Variants in DGKD observed in about 807,000 individuals in gnomAD.
DGKD encodes the protein diacylglycerol kinase delta.
In DGKD, 68 loss-of-function variants were observed where a neutral mutation model predicts 154.4. The observed-to-expected ratio is 0.44, with a 90% CI of 0.36 to 0.54. The LOEUF is 0.54. DGKD is among the 20% of genes least tolerant of loss of function. The probability of loss-of-function intolerance (pLI) is 0.00; values close to 1 mark genes in which losing one functional copy is unlikely to be tolerated. For missense variants in DGKD, 1,343 were observed against 1,593.6 expected, an observed-to-expected ratio of 0.84 and a Z score of 2.68; for synonymous variants, 693 against 638.0, an observed-to-expected ratio of 1.09 and a Z score of -1.30.
In DGKD at chr2:233,459,717, T is replaced by C. The variant is rs1366099922; in HGVS notation, c.2695-40T>C. 1 of 1,597,734 alleles carries C rather than the reference T, an allele frequency of 6.3e-7. No homozygotes were observed. Among genetic ancestry groups the C allele is most frequent in the African/African-American group, 1.3e-5 (1 of 74,362 alleles). ...GATAGCACTTTTAAACCCCTGGGGG[T>C]TTTGGCTCAGCATGAGTAATGGCTA... On this transcript the variant is annotated intron_variant, in intron 22 of 29. Coordinates refer to ENST00000264057, the MANE Select transcript of DGKD (RefSeq NM_152879.3). The surrounding 1 kb of genome is among the most constrained non-coding windows in gnomAD (Gnocchi z 5.7).
intron 2 of DGKD, 55 bp from the exon 3 acceptor site, chr2:233,390,348 C>A: frequency 6.9e-7 from 1 of 1,442,964 alleles, no homozygotes; most frequent in Non-Finnish European, 9.7e-7. Context: ...CTGGCTAGTG[C>A]TTAGGGATGT....
At chr2:233,463,781 G>A (rs907951274) in intron 26 of DGKD, 4 of 262,792 alleles carry the variant, frequency 1.5e-5, no homozygotes, top group East Asian at 8.6e-5. Flanking sequence ...GTGGTCACAC[G>A]CGTGTCCTCA....
At chr2:233,465,599 T>A (rs56197570) in intron 27 of DGKD, among the ~76,000 whole-genome samples, 5,976 of 151,820 alleles carry the variant, frequency 0.039, 279 homozygotes, top group African/African-American at 0.11. Flanking sequence ...TAAAAAAAAA[T>A]TTTTTTTTAA....
chr2:233,436,701 C>T (rs1225414773), intron 7 of DGKD, among the ~76,000 whole-genome samples: 1 of 152,252 alleles, frequency 6.6e-6, no homozygotes, highest in Admixed American at 6.5e-5. Flanking sequence ...CTGCATCATG[C>T]GGCACTGTAG....
At chr2:233,427,337 C>CTTTTT (rs35153949) in intron 3 of DGKD, among the ~76,000 whole-genome samples, 2 of 83,764 alleles carry the variant, frequency 2.4e-5, no homozygotes, top group Non-Finnish European at 4.4e-5. Context: ...TATTGCCCTG[C>CTTTTT]TTTTTTTTTT....
In DGKD at chr2:233,381,225, C is replaced by T. The variant is rs942813185; in HGVS notation, c.157-7032C>T. 3.8e-4 allele frequency among the ~76,000 whole-genome samples: 58 copies of T among 152,298 alleles called. 1 individual carries two copies. Among genetic ancestry groups the T allele is most frequent in the Admixed American group, 2.7e-3 (42 of 15,298 alleles). ...GCACACACTCCGTTGCCACCTTGGG[C>T]GTGCACACTCCCTCAGCTTCTGCCA... On this transcript the variant is annotated intron_variant, in intron 1 of 29. Transcript: ENST00000264057.
intron 24 of DGKD, among the ~76,000 whole-genome samples, chr2:233,461,529 CCT>C (rs1491179616): frequency 3.6e-4 from 55 of 152,326 alleles, no homozygotes; most frequent in African/African-American, 1.3e-3. Context: ...CACTGCGGCC[CCT>C]GTCCTCGTCT....
In DGKD at chr2:233,390,440, G is replaced by GC. The variant is rs1453639062; in HGVS notation, c.306dup (p.Val103ArgfsTer3). The GC allele has an allele frequency of 6.2e-7, 1 of 1,614,010 alleles. No individual in the cohort carries two copies. The highest frequency in any genetic ancestry group is 8.5e-7 in the Non-Finnish European group (1 of 1,180,008). ...GATGAGGTGGATCTGACAGATGCCA[G>GC]CGTAGCTGAATCCAGTACCAAAAAC... On this transcript the variant is annotated frameshift_variant, in exon 3 of 30. Transcript: ENST00000264057. LOFTEE classifies it high-confidence loss of function.
chr2:233,363,001 A>T (rs1469579949), intron 1 of DGKD, among the ~76,000 whole-genome samples: 1 of 152,268 alleles, frequency 6.6e-6, no homozygotes, highest in Non-Finnish European at 1.5e-5. Context: ...TATACAGTAC[A>T]TAATAGTTGA....
At chr2:233,447,774 G>A (rs113960936) in intron 12 of DGKD, 31 of 1,117,842 alleles carry the variant, frequency 2.8e-5, no homozygotes, top group Middle Eastern at 4.0e-4. Flanking sequence ...CCAGCATGCC[G>A]CTGTCAGGAT....
intron 4 of DGKD, 94 bp from the exon 5 acceptor site, chr2:233,434,675 C>G: frequency 5.8e-6 from 9 of 1,553,634 alleles, no homozygotes; most frequent in Non-Finnish European, 7.9e-6. Context: ...CTCCTCTCCT[C>G]TCTTGGATAC....
intron 27 of DGKD, among the ~76,000 whole-genome samples, chr2:233,465,303 GATTAA>G (rs2063791067): frequency 1.3e-5 from 2 of 152,204 alleles, no homozygotes; most frequent in Non-Finnish European, 2.9e-5. Context: ...TATAATACCA[GATTAA>G]ATTAAGGCCA....
At position 233,458,117 on chromosome 2, in the gene DGKD, G is replaced by T; in HGVS notation, c.2581-167G>T. On this transcript the variant is annotated intron_variant, in intron 21 of 29. Transcript: ENST00000264057. This position sits in a 1 kb window ranked among gnomAD's most constrained non-coding sequence, Gnocchi z 6.6. ...GATGAGAGCTGGGATTTGGTCCCAG[G>T]CAGCTGGTTTCAGGGCCTGCAACAT... The T allele has an allele frequency of 1.9e-6, 1 of 532,364 alleles. No individual in the cohort carries two copies. The allele number at this position is 532,364 out of a possible 1,614,324, so 33.0% of individuals were successfully genotyped here.
At chr2:233,464,110 C>T in intron 26 of DGKD, 54 bp from the exon 27 acceptor site, 1 of 1,610,630 alleles carries the variant, frequency 6.2e-7, no homozygotes, top group Middle Eastern at 1.7e-4. Context: ...GGGCCTCGCG[C>T]TGATCAGCAG....
Position 233,431,207 on chromosome 2 carries a change from C to A in DGKD, c.349-3173C>A, listed in dbSNP as rs186931741. 1.7e-3 allele frequency among the ~76,000 whole-genome samples: 266 copies of A among 152,216 alleles called. 1 individual carries two copies. The highest frequency in any genetic ancestry group is 5.7e-3 in the African/African-American group (238 of 41,546). On this transcript the variant is annotated intron_variant, in intron 3 of 29. Transcript: ENST00000264057. ...ACAGTGCACAATCTGCAAAAGAAAT[C>A]AAGAAAGTAATCCCATTTACAGTAG...
chr2:233,370,575 T>TTTTC (rs1553620755), intron 1 of DGKD, among the ~76,000 whole-genome samples: 2 of 149,500 alleles, frequency 1.3e-5, no homozygotes, highest in African/African-American at 5.0e-5. Context: ...TTCTTCTTTT[T>TTTTC]TTTTTTTTTT....
chr2:233,459,621 C>A lies in DGKD; in HGVS notation c.2695-136C>A. 8.3e-7 allele frequency: 1 copy of A among 1,210,578 alleles called. No individual in the cohort carries two copies. Among genetic ancestry groups the A allele is most frequent in the Non-Finnish European group, 1.1e-6 (1 of 877,666 alleles). 75.0% of individuals were successfully genotyped at this position (1,210,578 alleles called of 1,614,324 possible). On this transcript the variant is annotated intron_variant, in intron 22 of 29. Coordinates refer to ENST00000264057, the MANE Select transcript of DGKD (RefSeq NM_152879.3). The surrounding 1 kb of genome is among the most constrained non-coding windows in gnomAD (Gnocchi z 5.7). ...AGGCTAGCTGCAGGCGGAGCGCCAT[C>A]CCAGAGGCAGAGGTGGGGTGTCCTG...
chr2:233,467,058 T>G, intron 27 of DGKD, 28 bp from the exon 28 acceptor site: 1 of 1,566,178 alleles, frequency 6.4e-7, no homozygotes, highest in Non-Finnish European at 8.8e-7. Context: ...GCAGCCTGAT[T>G]CTCAGTATTC....
rs1385469060 is a variant in DGKD, at chr2:233,460,327, C to T, written c.2963C>T (p.Ala988Val). 4 of 1,613,888 alleles carry T rather than the reference C, an allele frequency of 2.5e-6. No individual in the cohort carries two copies. Among genetic ancestry groups the T allele is most frequent in the Non-Finnish European group, 3.4e-6 (4 of 1,179,994 alleles). Residue 988 changes from alanine (A) to valine (V), a missense_variant, in exon 24 of 30, where the codon GCA (alanine) becomes GTA (valine). Physicochemically the swap from Ala to Val is moderately conservative, Grantham distance 64. This residue lies in a region of DGKD where 429 missense variants were observed against 496.3 expected (regional missense o/e 0.86). Coordinates refer to ENST00000264057, the MANE Select transcript of DGKD (RefSeq NM_152879.3). Reference sequence around the variant, plus strand: ...CAGATGGACCAGTTTGGGCAGGCAGCAGGGGTCCTCATTCACAGGTGGGCT... The same window carrying T: ...CAGATGGACCAGTTTGGGCAGGCAGTAGGGGTCCTCATTCACAGGTGGGCT... ...ATQMDQFGQA[A>V]GVLIHSIREI...
Sources: allele counts gnomAD v4.1 joint callset (sites outside exome capture counted in the v4.1 genomes callset), GRCh38; gene constraint gnomAD v4.1.1; regional missense constraint gnomAD v4.1.1; non-coding constraint Gnocchi (gnomAD v3.1); transcripts MANE v1.5; gene names NCBI Gene and HGNC (gene_info 2026-07-23, HGNC 2026-07-21).